CRYL1: variants seen among roughly 807,000 people sequenced by gnomAD.
CRYL1 encodes lambda-crystallin homolog.
A neutral mutation model predicts 36.6 loss-of-function variants in CRYL1; 29 were observed. That is an observed-to-expected ratio of 0.79 (90% confidence interval 0.59 to 1.08). The LOEUF is 1.08. CRYL1 is among the 50% of genes least tolerant of loss of function. The pLI is 0.00. For missense variants in CRYL1, 411 were observed against 407.9 expected (o/e 1.01, Z -0.06); for synonymous variants, 152 against 151.5 (o/e 1.00, Z -0.02).
intron 3 of CRYL1, among the ~76,000 whole-genome samples, chr13:20,479,765 T>G (rs2137458803): frequency 6.6e-6 from 1 of 152,328 alleles, no homozygotes; most frequent in East Asian, 1.9e-4. Context: ...TGTTAATATT[T>G]ATAGATAATA....
intron 2 of CRYL1, among the ~76,000 whole-genome samples, chr13:20,508,372 A>C (rs2033841800): frequency 6.6e-6 from 1 of 152,234 alleles, no homozygotes; most frequent in South Asian, 2.1e-4. Flanking sequence ...TGGGAATAAA[A>C]GATGAATTTA....
chr13:20,486,987 A>G (rs562759674), intron 3 of CRYL1, among the ~76,000 whole-genome samples: 1 of 152,296 alleles, frequency 6.6e-6, no homozygotes, highest in African/African-American at 2.4e-5. Context: ...CTTATTACCC[A>G]AGTCTATTAT....
intron 6 of CRYL1, among the ~76,000 whole-genome samples, chr13:20,408,036 C>A (rs1045724829): frequency 2.0e-5 from 3 of 152,210 alleles, no homozygotes; most frequent in African/African-American, 7.2e-5. Flanking sequence ...CAGCTATGAA[C>A]CCACACCTGT....
intron 2 of CRYL1, among the ~76,000 whole-genome samples, chr13:20,492,586 C>A (rs1264497245): frequency 1.3e-5 from 2 of 152,180 alleles, no homozygotes; most frequent in African/African-American, 4.8e-5. Flanking sequence ...CCCTGCCCCA[C>A]CTGTTTCTGC....
intron 5 of CRYL1, among the ~76,000 whole-genome samples, chr13:20,427,686 GA>G (rs759371073): frequency 1.2e-4 from 17 of 137,006 alleles, no homozygotes; most frequent in African/African-American, 4.7e-4. Context: ...GAGTGAGACT[GA>G]AAACGGGAAA....
rs867228159 is a variant in CRYL1, at chr13:20,444,344, C to T, written c.277-4590G>A. 2.6e-5 allele frequency among the ~76,000 whole-genome samples: 4 copies of T among 152,250 alleles called. No individual in the cohort carries two copies. In the Middle Eastern group the frequency reaches 0.01, roughly 388 times the overall value. Reference sequence around the variant, plus strand: ...CTGCCATAATTGAGAAGAAATTATACCCAATCGAGAGAGATCTTTCCAAAG... The same window carrying T: ...CTGCCATAATTGAGAAGAAATTATATCCAATCGAGAGAGATCTTTCCAAAG... On this transcript the variant is annotated intron_variant, in intron 3 of 7. Transcript: ENST00000298248.
At chr13:20,426,707 A>G in intron 5 of CRYL1, 3 of 985,398 alleles carry the variant, frequency 3.0e-6, no homozygotes, top group Non-Finnish European at 3.6e-6. Flanking sequence ...TCATCTGTCA[A>G]TTTTACTACA....
chr13:20,512,305 AACTCAGAGGC>A (rs2033929449), intron 2 of CRYL1, 128 bp downstream of exon 2: 1 of 613,318 alleles, frequency 1.6e-6, no homozygotes, highest in African/African-American at 1.8e-5. Flanking sequence ...GGCCTTTACC[AACTCAGAGGC>A]ACTGCAGTAG....
At chr13:20,497,345 C>CT (rs2033625640) in intron 2 of CRYL1, among the ~76,000 whole-genome samples, 1 of 140,940 alleles carries the variant, frequency 7.1e-6, no homozygotes, top group Non-Finnish European at 1.6e-5. Context: ...ACACACACTA[C>CT]ACACACACCA....
chr13:20,496,507 T>G (rs530421540), intron 2 of CRYL1, among the ~76,000 whole-genome samples: 47 of 152,170 alleles, frequency 3.1e-4, no homozygotes, highest in Non-Finnish European at 5.7e-4. Context: ...CATGCAATAA[T>G]CTAGGTCCTG....
intron 5 of CRYL1, among the ~76,000 whole-genome samples, chr13:20,428,819 C>T (rs1312870589): frequency 6.6e-6 from 1 of 152,210 alleles, no homozygotes; most frequent in Non-Finnish European, 1.5e-5. Flanking sequence ...ACCCAGTACC[C>T]ACACGCCTGG....
At chr13:20,467,851 T>C (rs1163390233) in intron 3 of CRYL1, among the ~76,000 whole-genome samples, 1 of 152,196 alleles carries the variant, frequency 6.6e-6, no homozygotes, top group Non-Finnish European at 1.5e-5. Flanking sequence ...TACCGGTCCC[T>C]GGCCTGTTAG....
chr13:20,450,415 C>G (rs36078334), intron 3 of CRYL1, among the ~76,000 whole-genome samples: 1 of 152,074 alleles, frequency 6.6e-6, no homozygotes, highest in Non-Finnish European at 1.5e-5. Flanking sequence ...AAACACCTAC[C>G]TTTCACCATA....
chr13:20,501,527 AT>A (rs149024941), intron 2 of CRYL1, among the ~76,000 whole-genome samples: 29,189 of 152,066 alleles, frequency 0.19, 2,958 homozygotes, highest in South Asian at 0.25. Context: ...TCCCAAGGGG[AT>A]TTCTGGCAGG....
chr13:20,514,981 G>A (rs2033976467), intron 1 of CRYL1, among the ~76,000 whole-genome samples: 1 of 152,082 alleles, frequency 6.6e-6, no homozygotes, highest in Non-Finnish European at 1.5e-5. Context: ...GATACAATGT[G>A]GCATACCCAT....
chr13:20,461,943 A>C (rs2032827967), intron 3 of CRYL1, among the ~76,000 whole-genome samples: 2 of 40,210 alleles, frequency 5.0e-5, no homozygotes, highest in Non-Finnish European at 4.8e-5. Flanking sequence ...TGTGGGAGGG[A>C]TGGGGTGGGA....
Position 20,403,994 on chromosome 13 carries a change from C to T in CRYL1, c.*135G>A, listed in dbSNP as rs1199067499. 6.1e-6 allele frequency: 4 copies of T among 660,340 alleles called. No individual in the cohort carries two copies. Among genetic ancestry groups the T allele is most frequent in the African/African-American group, 1.8e-5 (1 of 55,298 alleles). The allele number at this position is 660,340 out of a possible 1,614,324, so 40.9% of individuals were successfully genotyped here. A position where few individuals can be genotyped will look rare whatever the true frequency, so the allele number is the denominator to read the frequency against. ...CAGACTACCGGCCTGCACCACCCCA[C>T]TCAGGCTGCACACAAGACAGCCAGC... On this transcript the variant is annotated 3_prime_UTR_variant, in exon 8 of 8. Coordinates refer to ENST00000298248, the MANE Select transcript of CRYL1 (RefSeq NM_015974.3).
Position 20,504,772 on chromosome 13 carries a change from C to T in CRYL1, c.149+7671G>A, listed in dbSNP as rs531447099. Among the ~76,000 whole-genome samples, 52 of 152,172 alleles carry T rather than the reference C, an allele frequency of 3.4e-4. 1 individual carries two copies. In the South Asian group the frequency reaches 0.011, roughly 32 times the overall value. On this transcript the variant is annotated intron_variant, in intron 2 of 7. Coordinates refer to ENST00000298248, the MANE Select transcript of CRYL1 (RefSeq NM_015974.3). Reference sequence around the variant, plus strand: ...AGTTTTAAGTTTCTTATTGTGCCACCCTGTTAGAAAAAGATTAGTCTCAGA... The same window carrying T: ...AGTTTTAAGTTTCTTATTGTGCCACTCTGTTAGAAAAAGATTAGTCTCAGA...
At chr13:20,420,701 T>TTTTTTTTTTTTTTTGTGTGTGTGTG in intron 5 of CRYL1, among the ~76,000 whole-genome samples, 3 of 21,838 alleles carry the variant, frequency 1.4e-4, no homozygotes, top group Non-Finnish European at 4.1e-4. Context: ...AAAATAGAGG[T>TTTTTTTTTTTTTTTGTGTGTGTGTG]TGTGTGTGTG....
Sources: allele counts gnomAD v4.1 joint callset (sites outside exome capture counted in the v4.1 genomes callset), GRCh38; gene constraint gnomAD v4.1.1; transcripts MANE v1.5; gene names NCBI Gene and HGNC (gene_info 2026-07-23, HGNC 2026-07-21).